Variants in RGS20 observed in about 807,000 individuals in gnomAD.
RGS20 encodes the protein regulator of G protein signaling 20.
RGS20 carries 30 observed loss-of-function variants against 33.6 expected under a neutral mutation model. The ratio of observed to expected loss-of-function variants is 0.89; its 90% confidence interval spans 0.67 to 1.21. RGS20 has a LOEUF of 1.21. RGS20 is among the 50% of genes most tolerant of loss of function. The probability of loss-of-function intolerance (pLI) is 0.00; values close to 1 mark genes in which losing one functional copy is unlikely to be tolerated. For synonymous variants in RGS20, 208 were observed against 197.9 expected (o/e 1.05, Z -0.43); for missense variants, 472 against 502.4 (o/e 0.94, Z 0.58).
chr8:53,867,419 G>A (rs1473360556), intron 1 of RGS20, among the ~76,000 whole-genome samples: 1 of 152,132 alleles, frequency 6.6e-6, no homozygotes, highest in African/African-American at 2.4e-5. Context: ...ACCTTAGGAT[G>A]AAATATGACA....
rs1222536873 is a variant in RGS20, at chr8:53,909,225, A to G, written c.510+29623A>G. Among the ~76,000 whole-genome samples, 28 of 122,456 alleles carry G rather than the reference A, an allele frequency of 2.3e-4. 1 individual carries two copies. Among genetic ancestry groups the G allele is most frequent in the African/African-American group, 8.8e-4 (26 of 29,586 alleles). 80.3% of individuals were successfully genotyped at this position (122,456 alleles called of 152,430 possible). A position where few individuals can be genotyped will look rare whatever the true frequency, so the allele number is the denominator to read the frequency against. On this transcript the variant is annotated intron_variant, in intron 2 of 5. Coordinates refer to ENST00000297313, the MANE Select transcript of RGS20 (RefSeq NM_170587.4). ...GGTATGTGTGTATATATATATATAT[A>G]TATATATATATATATATATATATAT...
In RGS20 at chr8:53,948,318, ATATG is replaced by A. The variant is rs554606830; in HGVS notation, c.743+1571_743+1574del. On this transcript the variant is annotated intron_variant, in intron 4 of 5. Transcript: ENST00000297313. Reference sequence around the variant, plus strand: ...ACGATATATGATACAGTATATATACATATGCTATATATAAGACAGTATATATTTA... The same window carrying A: ...ACGATATATGATACAGTATATATACACTATATATAAGACAGTATATATTTA... Among the ~76,000 whole-genome samples the A allele has an allele frequency of 9.8e-3, 1,376 of 139,732 alleles. 33 individuals are homozygous for A. The highest frequency in any genetic ancestry group is 0.035 in the African/African-American group (1,307 of 37,718). The allele number at this position is 139,732 out of a possible 152,430, so 91.7% of individuals were successfully genotyped here.
chr8:53,881,869 G>A (rs1812394633), intron 2 of RGS20, among the ~76,000 whole-genome samples: 1 of 152,148 alleles, frequency 6.6e-6, no homozygotes, highest in Non-Finnish European at 1.5e-5. Context: ...AAGTCTGGGC[G>A]CCCGGACTGC....
At chr8:53,885,772 G>T (rs1387096131) in intron 2 of RGS20, among the ~76,000 whole-genome samples, 1 of 150,208 alleles carries the variant, frequency 6.7e-6, no homozygotes, top group Middle Eastern at 3.2e-3. Context: ...GTGTGAACTG[G>T]ATACTGAGTA....
chr8:53,938,877 AAGT>A (rs1242667908), intron 2 of RGS20, among the ~76,000 whole-genome samples: 1 of 152,150 alleles, frequency 6.6e-6, no homozygotes, highest in African/African-American at 2.4e-5. Flanking sequence ...GCCTCCATTG[AAGT>A]AGGTGAGGGT....
Position 53,946,739 on chromosome 8 carries a change from G to A in RGS20, c.734G>A (p.Trp245Ter). ...GAACTCAGAGCAGATCTTCCAACCTGGGAAGAAAGGTGAAATCACACGTTT... is the reference window on the plus strand; with the variant it reads ...GAACTCAGAGCAGATCTTCCAACCTAGGAAGAAAGGTGAAATCACACGTTT... The change falls in exon 4 of 6, where the codon TGG (tryptophan) becomes TAG (stop). Residue 245 changes from tryptophan to a stop codon, truncating the protein, a stop_gained. Coordinates refer to ENST00000297313, the MANE Select transcript of RGS20 (RefSeq NM_170587.4). LOFTEE classifies it high-confidence loss of function. 6.2e-7 allele frequency: 1 copy of A among 1,611,554 alleles called. No individual in the cohort carries two copies. Among genetic ancestry groups the A allele is most frequent in the South Asian group, 1.1e-5 (1 of 90,672 alleles).
intron 4 of RGS20, among the ~76,000 whole-genome samples, chr8:53,952,726 A>G (rs1020702358): frequency 6.6e-5 from 10 of 152,210 alleles, no homozygotes; most frequent in African/African-American, 2.4e-4. Context: ...ACTCTGTCTC[A>G]AGAAAATAAA....
intron 2 of RGS20, among the ~76,000 whole-genome samples, chr8:53,891,608 A>C (rs1359970991): frequency 6.6e-6 from 1 of 152,130 alleles, no homozygotes; most frequent in Admixed American, 6.5e-5. Context: ...GTGACAGAGC[A>C]GGATTCTGTC....
intron 1 of RGS20, among the ~76,000 whole-genome samples, chr8:53,855,341 T>G (rs1357698048): frequency 6.6e-6 from 1 of 152,086 alleles, no homozygotes; most frequent in Non-Finnish European, 1.5e-5. Context: ...CTGGGATTAC[T>G]GACATAAGTC....
chr8:53,951,217 G>A (rs1814700342), intron 4 of RGS20, among the ~76,000 whole-genome samples: 1 of 152,216 alleles, frequency 6.6e-6, no homozygotes, highest in Non-Finnish European at 1.5e-5. Context: ...AGGCACAGTG[G>A]CTCCTGCCTG....
chr8:53,888,712 G>A (rs543933889), intron 2 of RGS20, among the ~76,000 whole-genome samples: 9 of 152,062 alleles, frequency 5.9e-5, no homozygotes, highest in Non-Finnish European at 7.4e-5. Context: ...CAAAGATTCC[G>A]TCTCGCTTCC....
intron 1 of RGS20, among the ~76,000 whole-genome samples, chr8:53,863,921 G>T (rs1811864337): frequency 6.6e-6 from 1 of 151,708 alleles, no homozygotes; most frequent in Admixed American, 6.6e-5. Flanking sequence ...TAGAGACAGG[G>T]TTTCACCATG....
chr8:53,879,884 G>A (rs186892533), intron 2 of RGS20: 55 of 381,676 alleles, frequency 1.4e-4, no homozygotes, highest in African/African-American at 9.8e-4. Context: ...GCTCTTCCCC[G>A]AGGCTGCCTT....
intron 2 of RGS20, among the ~76,000 whole-genome samples, chr8:53,910,098 A>C (rs1309930394): frequency 6.6e-6 from 1 of 152,234 alleles, no homozygotes; most frequent in African/African-American, 2.4e-5. Flanking sequence ...AGAGGGATAC[A>C]TTATTAGTTC....
intron 2 of RGS20, among the ~76,000 whole-genome samples, chr8:53,909,346 C>T (rs1813285438): frequency 6.7e-6 from 1 of 149,986 alleles, no homozygotes; most frequent in African/African-American, 2.5e-5. Context: ...GCCTTCCAGG[C>T]TCCAGCAATC....
intron 2 of RGS20, among the ~76,000 whole-genome samples, chr8:53,888,981 G>T (rs1812623911): frequency 6.6e-6 from 1 of 152,184 alleles, no homozygotes; most frequent in South Asian, 2.1e-4. Flanking sequence ...GTTGTTTCCA[G>T]TGTGGAGCTA....
chr8:53,922,689 T>G (rs1289785589), intron 2 of RGS20, among the ~76,000 whole-genome samples: 1 of 152,212 alleles, frequency 6.6e-6, no homozygotes. Flanking sequence ...TAATCTTTCT[T>G]TGAGACAGGG....
At chr8:53,871,965 T>C (rs1386855877) in intron 1 of RGS20, among the ~76,000 whole-genome samples, 2 of 152,094 alleles carry the variant, frequency 1.3e-5, no homozygotes, top group Non-Finnish European at 2.9e-5. Flanking sequence ...CTCAAGCCTC[T>C]TTTACATCAA....
At chr8:53,881,113 T>C (rs764661511) in intron 2 of RGS20, 29 bp downstream of exon 1, 1 of 1,478,422 alleles carries the variant, frequency 6.8e-7, no homozygotes, top group South Asian at 1.3e-5. Flanking sequence ...CGAACTCTCT[T>C]TCTTCGTCTC....
Sources: gnomAD v4.1 joint callset for allele counts (sites outside exome capture counted in the v4.1 genomes callset) on GRCh38, gnomAD v4.1.1 for gene constraint, MANE v1.5 for transcripts, NCBI Gene and HGNC (gene_info 2026-07-23, HGNC 2026-07-21) for gene names.